The following ESRRG variants were observed in gnomAD, a reference collection of about 807,000 sequenced individuals.
The protein encoded by ESRRG is estrogen-related receptor gamma.
A neutral mutation model predicts 44.0 loss-of-function variants in ESRRG; 13 were observed. The ratio of observed to expected loss-of-function variants is 0.30; its 90% CI spans 0.19 to 0.47. The LOEUF (loss-of-function observed/expected upper bound fraction) is 0.47. Ranked by LOEUF, ESRRG falls within the 20% of genes least tolerant of loss-of-function variation. The pLI, the probability that ESRRG is intolerant of heterozygous loss-of-function variation, is 1.00. For missense variants in ESRRG, 395 were observed against 580.6 expected (o/e 0.68, Z 3.29); for synonymous variants, 215 against 214.6 (o/e 1.00, Z -0.02).
chr1:216,620,350 T>C (rs2062025337), intron 3 of ESRRG, among the ~76,000 whole-genome samples: 1 of 152,234 alleles, frequency 6.6e-6, no homozygotes, highest in African/African-American at 2.4e-5. Flanking sequence ...CAGTATTATC[T>C]AATATATTTT....
chr1:216,707,359 C>A (rs866831098), intron 1 of ESRRG: 1 of 1,535,596 alleles, frequency 6.5e-7, no homozygotes, highest in Non-Finnish European at 8.7e-7. Flanking sequence ...TCGGGCCCAC[C>A]TTTTAGCTGA....
chr1:217,058,072 A>G (rs2087523274), intron 1 of ESRRG, among the ~76,000 whole-genome samples: 1 of 152,180 alleles, frequency 6.6e-6, no homozygotes, highest in Non-Finnish European at 1.5e-5. Flanking sequence ...GAAGTACAAA[A>G]AAATTGAAAT....
chr1:217,037,794 A>G (rs2083165814), intron 1 of ESRRG, among the ~76,000 whole-genome samples: 2 of 152,182 alleles, frequency 1.3e-5, no homozygotes, highest in Non-Finnish European at 2.9e-5. Flanking sequence ...GTTACTTCCT[A>G]GATACAATAG....
chr1:216,718,293 G>A (rs1261220018), intron 1 of ESRRG, among the ~76,000 whole-genome samples: 5 of 151,850 alleles, frequency 3.3e-5, no homozygotes, highest in South Asian at 2.1e-4. Flanking sequence ...TATAATCTAC[G>A]TATACATTAC....
chr1:216,564,308 G>T lies in ESRRG; in HGVS notation c.773C>A (p.Pro258His). The part of the protein sequence containing the change: ...KIYAMPDPTV[P>H]DSDIKALTTL... ...AGTGAGGGCTTTGATGTCACTGTCG[G>T]GGACAGTAGGGTCAGGCATGGCATA... Residue 258 changes from proline to histidine, a missense_variant, in exon 5 of 7, where the codon CCC (proline) becomes CAC (histidine). Physicochemically the swap from Pro to His is moderately conservative, Grantham distance 77. Transcript: ENST00000408911. 1 of 1,611,118 alleles carries T rather than the reference G, an allele frequency of 6.2e-7. No homozygotes were observed. Among genetic ancestry groups the T allele is most frequent in the African/African-American group, 1.3e-5 (1 of 74,812 alleles).
rs920366599 is a variant in ESRRG, at chr1:216,891,967, C to T, written c.-14+47615G>A. Reference sequence around the variant, plus strand: ...GACAACAGGCATGTGCCAGCATGCCCGACTAATTTTTGTACTTTTAGTAGA... The same window carrying T: ...GACAACAGGCATGTGCCAGCATGCCTGACTAATTTTTGTACTTTTAGTAGA... On this transcript the variant is annotated intron_variant, in intron 2 of 7. Transcript: ENST00000359162. 9.9e-5 allele frequency among the ~76,000 whole-genome samples: 15 copies of T among 151,722 alleles called. 1 individual carries two copies. The highest frequency in any genetic ancestry group is 2.9e-4 in the African/African-American group (12 of 41,294).
At chr1:216,912,977 G>T (rs1204066919) in intron 2 of ESRRG, among the ~76,000 whole-genome samples, 4 of 151,852 alleles carry the variant, frequency 2.6e-5, no homozygotes, top group African/African-American at 9.7e-5. Context: ...CCAAAAATTA[G>T]CTGGGCGTGG....
At chr1:216,733,940 G>A (rs1176573982) in intron 2 of ESRRG, among the ~76,000 whole-genome samples, 2 of 145,526 alleles carry the variant, frequency 1.4e-5, no homozygotes, top group African/African-American at 5.1e-5. Context: ...TGGAGGTCGC[G>A]CCACTGCACT....
chr1:217,090,789 C>T (rs1002548646), upstream of ESRRG, among the ~76,000 whole-genome samples: 9 of 152,176 alleles, frequency 5.9e-5, no homozygotes, highest in Non-Finnish European at 1.0e-4. Flanking sequence ...TTATTTAACT[C>T]ATTCTACAAC....
At chr1:216,758,459 T>C (rs1296186553) in intron 2 of ESRRG, among the ~76,000 whole-genome samples, 2 of 152,046 alleles carry the variant, frequency 1.3e-5, no homozygotes, top group East Asian at 3.9e-4. Flanking sequence ...AAGGCGCTTA[T>C]CTCTCTGCTC....
intron 6 of ESRRG, among the ~76,000 whole-genome samples, chr1:216,513,976 A>G (rs557823727): frequency 6.6e-6 from 1 of 152,290 alleles, no homozygotes; most frequent in East Asian, 1.9e-4. Context: ...ATTTCCTGGA[A>G]ATAAGCAACT....
chr1:217,084,124 A>G (rs1480368963), intron 1 of ESRRG, among the ~76,000 whole-genome samples: 2 of 128,494 alleles, frequency 1.6e-5, no homozygotes, highest in Non-Finnish European at 3.6e-5. Context: ...GAAAAATGGA[A>G]GAATGGATTA....
At chr1:216,731,336 G>A (rs575316827) in intron 2 of ESRRG, among the ~76,000 whole-genome samples, 1 of 152,344 alleles carries the variant, frequency 6.6e-6, no homozygotes, top group Admixed American at 6.5e-5. Context: ...AATACTTTCA[G>A]TGGGAAGGTG....
intron 1 of ESRRG, among the ~76,000 whole-genome samples, chr1:216,687,050 TGTGTGTGTGTGTGTGTGA>T (rs2078137924): frequency 6.9e-6 from 1 of 144,942 alleles, no homozygotes; most frequent in African/African-American, 2.8e-5. Flanking sequence ...TGTGTGTCTG[TGTGTGTGTGTGTGTGTGA>T]AGTATATGTC....
At position 216,588,379 on chromosome 1, in the gene ESRRG, C is replaced by T. The variant is rs531755474; in HGVS notation, c.590-20281G>A. Among the ~76,000 whole-genome samples the T allele has an allele frequency of 2.6e-5, 4 of 152,216 alleles. No homozygotes were observed. The East Asian group carries it at 7.7e-4, about 29-fold the overall frequency. On this transcript the variant is annotated intron_variant, in intron 3 of 6. Transcript: ENST00000408911. ...ACTACAACAAACAACAACAACAAAG[C>T]CAAGGCAATCTGGACTGTTTTTATT...
At chr1:216,973,091 T>C (rs1339213) in intron 1 of ESRRG, among the ~76,000 whole-genome samples, 12,567 of 152,202 alleles carry the variant, frequency 0.083, 718 homozygotes, top group East Asian at 0.17. Flanking sequence ...AGCCTCTCAA[T>C]GAGGCTCCCT....
chr1:216,507,620 A>G (rs1392356823), intron 6 of ESRRG, among the ~76,000 whole-genome samples: 3 of 152,200 alleles, frequency 2.0e-5, no homozygotes, highest in Non-Finnish European at 2.9e-5. Context: ...GGAAAAGCCA[A>G]TATTTCCCAA....
At chr1:216,674,615 CTTT>C (rs5780904) in intron 2 of ESRRG, among the ~76,000 whole-genome samples, 204 of 127,882 alleles carry the variant, frequency 1.6e-3, no homozygotes, top group Middle Eastern at 4.1e-3. Flanking sequence ...TTTGGGTAAA[CTTT>C]TTTTTTTTTT....
chr1:217,051,204 C>CGGGGGCGG (rs1553259181), intron 1 of ESRRG, among the ~76,000 whole-genome samples: 2 of 33,590 alleles, frequency 6.0e-5, no homozygotes, highest in Non-Finnish European at 1.1e-4. Flanking sequence ...ATAATGGGGG[C>CGGGGGCGG]GGGGGGGGGG....
Sources: allele counts gnomAD v4.1 joint callset (sites outside exome capture counted in the v4.1 genomes callset), GRCh38; gene constraint gnomAD v4.1.1; transcripts MANE v1.5; gene names NCBI Gene and HGNC (gene_info 2026-07-23, HGNC 2026-07-21).